BCL2L1: variants seen among roughly 807,000 people sequenced by gnomAD.
BCL2L1 encodes BCL2 like 1, also known as bcl-2-like protein 1.
In BCL2L1, 1 loss-of-function variant was observed where a neutral mutation model predicts 18.7. The observed-to-expected ratio is 0.05, with a 90% CI of 0.02 to 0.25. The LOEUF (loss-of-function observed/expected upper bound fraction) is 0.25, where lower values mean the gene tolerates loss of function less well. BCL2L1 is among the 10% of genes least tolerant of loss of function. The pLI is 1.00. For missense variants in BCL2L1, 207 were observed against 304.9 expected (o/e 0.68, Z 2.39); for synonymous variants, 103 against 122.7 (o/e 0.84, Z 1.06).
chr20:31,720,493 AT>A, intron 2 of BCL2L1: 1 of 976,404 alleles, frequency 1.0e-6, no homozygotes, highest in Non-Finnish European at 1.2e-6. Flanking sequence ...ACAGGACTGA[AT>A]TCACTGAAGA....
At chr20:31,674,925 G>C (rs2060735039) in intron 2 of BCL2L1, among the ~76,000 whole-genome samples, 1 of 151,690 alleles carries the variant, frequency 6.6e-6, no homozygotes, top group South Asian at 2.1e-4. Context: ...AGTATGTTTG[G>C]CAGCAAACCC....
intron 2 of BCL2L1, chr20:31,686,301 G>C (rs868104249): frequency 3.9e-5 from 6 of 152,202 alleles, no homozygotes; most frequent in African/African-American, 1.4e-4. Flanking sequence ...TGCAGAGCCT[G>C]TGTTCTTCCC....
At chr20:31,675,313 C>T (rs967672675) in intron 2 of BCL2L1, among the ~76,000 whole-genome samples, 1 of 152,238 alleles carries the variant, frequency 6.6e-6, no homozygotes, top group African/African-American at 2.4e-5. Context: ...CCTGCATTGG[C>T]AGGCTGTGAG....
intron 2 of BCL2L1, among the ~76,000 whole-genome samples, chr20:31,678,134 C>A (rs1408366265): frequency 6.6e-6 from 1 of 152,180 alleles, no homozygotes; most frequent in Non-Finnish European, 1.5e-5. Flanking sequence ...AGGCAACAGG[C>A]AGGAATGGGG....
At chr20:31,711,180 T>G (rs2061448278) in intron 2 of BCL2L1, among the ~76,000 whole-genome samples, 1 of 152,220 alleles carries the variant, frequency 6.6e-6, no homozygotes, top group Non-Finnish European at 1.5e-5. Context: ...CCATAGTATC[T>G]GTTATTATTA....
chr20:31,703,689 A>AC lies in BCL2L1; in HGVS notation c.564+17965dup, dbSNP rs1568886529. Among the ~76,000 whole-genome samples the AC allele has an allele frequency of 2.9e-4, 43 of 149,336 alleles. 1 individual carries two copies. Among genetic ancestry groups the AC allele is most frequent in the African/African-American group, 1.1e-3 (43 of 40,368 alleles). ...TTATTTTCAGTAGAGATGGGGTTTC[A>AC]CTGTGTTGGCCAGGCTGGTCTGGAA... On this transcript the variant is annotated intron_variant, in intron 2 of 2. Coordinates refer to ENST00000307677, the MANE Select transcript of BCL2L1 (RefSeq NM_138578.3).
chr20:31,705,562 C>G (rs2061358767), intron 2 of BCL2L1, among the ~76,000 whole-genome samples: 2 of 152,142 alleles, frequency 1.3e-5, no homozygotes, highest in Admixed American at 1.3e-4. Context: ...ACAGCAGAGA[C>G]TTTATAAAGG....
chr20:31,697,717 G>A (rs376669010), intron 2 of BCL2L1, among the ~76,000 whole-genome samples: 1 of 152,106 alleles, frequency 6.6e-6, no homozygotes, highest in Non-Finnish European at 1.5e-5. Context: ...GATTACAGGC[G>A]TGAGCCACTG....
intron 2 of BCL2L1, among the ~76,000 whole-genome samples, chr20:31,710,449 T>C (rs1481963758): frequency 1.3e-5 from 2 of 152,150 alleles, no homozygotes; most frequent in African/African-American, 2.4e-5. Context: ...TCAGTGGAAA[T>C]TGTACAAAGC....
intron 2 of BCL2L1, among the ~76,000 whole-genome samples, chr20:31,675,369 G>T (rs1328541414): frequency 2.6e-5 from 4 of 152,194 alleles, no homozygotes; most frequent in Non-Finnish European, 5.9e-5. Context: ...TTTCCCTGAG[G>T]GAGAGGCTGA....
chr20:31,667,461 A>C (rs983686407), intron 2 of BCL2L1, among the ~76,000 whole-genome samples: 1 of 139,044 alleles, frequency 7.2e-6, no homozygotes, highest in Non-Finnish European at 1.6e-5. Flanking sequence ...CGTTCAAAAA[A>C]AAAAAAGGAA....
chr20:31,665,893 G>T lies in BCL2L1; in HGVS notation c.*56C>A. The T allele has an allele frequency of 6.3e-7, 1 of 1,594,180 alleles. No homozygotes were observed. The highest frequency in any genetic ancestry group is 1.1e-5 in the South Asian group (1 of 89,150). ...CTGGTGGCAATGGCGGCTGGACGGA[G>T]GATGTGGTGGAGCAGAGAAGGGGGT... On this transcript the variant is annotated 3_prime_UTR_variant, in exon 3 of 3. Coordinates refer to ENST00000307677, the MANE Select transcript of BCL2L1 (RefSeq NM_138578.3).
At chr20:31,694,452 A>G (rs2061135058) in intron 2 of BCL2L1, among the ~76,000 whole-genome samples, 1 of 152,028 alleles carries the variant, frequency 6.6e-6, no homozygotes, top group South Asian at 2.1e-4. Flanking sequence ...ATGCTCCCCG[A>G]AAGCTGTCTC....
intron 2 of BCL2L1, among the ~76,000 whole-genome samples, chr20:31,682,499 G>A (rs2060881099): frequency 6.6e-6 from 1 of 152,190 alleles, no homozygotes; most frequent in Non-Finnish European, 1.5e-5. Flanking sequence ...AGGCTAGAGT[G>A]CAATCGTGTG....
chr20:31,707,270 T>C (rs140067061), intron 2 of BCL2L1, among the ~76,000 whole-genome samples: 1 of 152,316 alleles, frequency 6.6e-6, no homozygotes, highest in East Asian at 1.9e-4. Context: ...AAACTCTTGG[T>C]CCAAAGATAT....
At chr20:31,709,692 G>A (rs1030767578) in intron 2 of BCL2L1, among the ~76,000 whole-genome samples, 18 of 151,504 alleles carry the variant, frequency 1.2e-4, no homozygotes, top group East Asian at 5.9e-4. Flanking sequence ...AAAATTAGCC[G>A]GGCCTGGTGG....
At chr20:31,719,457 T>C (rs2061589385) in intron 2 of BCL2L1, among the ~76,000 whole-genome samples, 1 of 152,102 alleles carries the variant, frequency 6.6e-6, no homozygotes, top group African/African-American at 2.4e-5. Flanking sequence ...GCGGGTACCT[T>C]CTACCCAGGC....
upstream of BCL2L1, chr20:31,723,566 C>T: frequency 1.0e-6 from 1 of 984,486 alleles, no homozygotes; most frequent in Non-Finnish European, 1.2e-6. Flanking sequence ...TGCTAGGCAA[C>T]CGCCCTCCCC....
At chr20:31,684,201 A>G (rs575767637) in intron 2 of BCL2L1, among the ~76,000 whole-genome samples, 2 of 152,326 alleles carry the variant, frequency 1.3e-5, no homozygotes, top group East Asian at 3.9e-4. Flanking sequence ...GGAAAGGTAT[A>G]GCTAGGTTGG....
Sources: allele counts gnomAD v4.1 joint callset (sites outside exome capture counted in the v4.1 genomes callset), GRCh38; gene constraint gnomAD v4.1.1; transcripts MANE v1.5; gene names NCBI Gene and HGNC (gene_info 2026-07-23, HGNC 2026-07-21).